The following IGF1 variants were observed in gnomAD, a reference collection of about 807,000 sequenced individuals.
IGF1 encodes insulin-like growth factor 1.
A neutral mutation model predicts 13.8 loss-of-function variants in IGF1; 4 were observed. The ratio of observed to expected loss-of-function variants is 0.29; its 90% CI spans 0.14 to 0.66. The LOEUF (loss-of-function observed/expected upper bound fraction) is 0.66, where lower values mean the gene tolerates loss of function less well. Among genes scored for constraint, IGF1 ranks in the 30% least tolerant of loss-of-function variants. IGF1 has a pLI of 0.78. For missense variants in IGF1, 124 were observed against 188.5 expected (o/e 0.66, Z 2.00); for synonymous variants, 76 against 72.6 (o/e 1.05, Z -0.23).
chr12:102,478,546 A>C (rs751703921), intron 1 of IGF1: 20 of 1,607,794 alleles, frequency 1.2e-5, no homozygotes, highest in Non-Finnish European at 1.5e-5. Context: ...GGTGGGTATT[A>C]TGAGGCCGAT....
chr12:102,416,558 A>C (rs1592748972), intron 3 of IGF1, among the ~76,000 whole-genome samples: 1 of 152,316 alleles, frequency 6.6e-6, no homozygotes, highest in East Asian at 1.9e-4. Context: ...GAACCCAAGC[A>C]CATCTTTACC....
intron 2 of IGF1, among the ~76,000 whole-genome samples, chr12:102,461,730 G>C (rs190733342): frequency 6.6e-6 from 1 of 152,156 alleles, no homozygotes; most frequent in African/African-American, 2.4e-5. Context: ...AGAAGGTCAG[G>C]CCATGGGGTT....
intron 2 of IGF1, among the ~76,000 whole-genome samples, chr12:102,455,556 G>C (rs996516087): frequency 6.6e-6 from 1 of 152,154 alleles, no homozygotes; most frequent in Non-Finnish European, 1.5e-5. Flanking sequence ...TTCAAGTGGG[G>C]GAGGAGTTCC....
intron 2 of IGF1, among the ~76,000 whole-genome samples, chr12:102,452,933 C>T (rs1453851222): frequency 3.3e-5 from 5 of 152,178 alleles, no homozygotes; most frequent in East Asian, 1.9e-4. Flanking sequence ...GTTAGCAACA[C>T]GTTGCACCCT....
Position 102,417,724 on chromosome 12 carries a change from T to C in IGF1, c.402+1785A>G. ...CATCTAGCTCCAGCAGGCCTACTTT[T>C]CTTCATTTCCTCTATTGTATTTTCT... On this transcript the variant is annotated intron_variant, in intron 3 of 3. Transcript: ENST00000337514. 1.9e-6 allele frequency: 3 copies of C among 1,559,838 alleles called. No individual in the cohort carries two copies. The South Asian group carries it at 3.7e-5, about 19-fold the overall frequency.
At chr12:102,459,824 T>G (rs1469466727) in intron 2 of IGF1, among the ~76,000 whole-genome samples, 1 of 152,240 alleles carries the variant, frequency 6.6e-6, no homozygotes, top group Non-Finnish European at 1.5e-5. Flanking sequence ...TATACAGTTC[T>G]ATAAAGATGA....
intron 2 of IGF1, among the ~76,000 whole-genome samples, chr12:102,439,602 T>C (rs1592781603): frequency 6.6e-6 from 1 of 151,450 alleles, no homozygotes; most frequent in African/African-American, 2.4e-5. Context: ...GCCTAGAGAG[T>C]AATCTTTCCA....
At chr12:102,410,588 G>A (rs923342752) in intron 3 of IGF1, among the ~76,000 whole-genome samples, 4 of 152,106 alleles carry the variant, frequency 2.6e-5, no homozygotes, top group African/African-American at 9.7e-5. Context: ...TACAATTTAT[G>A]CTAGAGTTAC....
At chr12:102,403,499 C>G (rs1261653381) in intron 3 of IGF1, among the ~76,000 whole-genome samples, 1 of 151,746 alleles carries the variant, frequency 6.6e-6, no homozygotes, top group East Asian at 1.9e-4. Context: ...CTCTGTTGCC[C>G]AGGCTGGAGT....
intron 2 of IGF1, among the ~76,000 whole-genome samples, chr12:102,425,805 T>G (rs997828352): frequency 1.3e-5 from 2 of 152,208 alleles, no homozygotes; most frequent in Non-Finnish European, 2.9e-5. Context: ...CCTGATACAA[T>G]GCCCTGGAGG....
chr12:102,478,584 C>T, intron 1 of IGF1: 1 of 1,572,894 alleles, frequency 6.4e-7, no homozygotes. Context: ...GTCTTAAAAA[C>T]ATGTGCTGCT....
At position 102,397,613 on chromosome 12, in the gene IGF1, G is replaced by A. The variant is rs1340004021; in HGVS notation, c.*4894C>T. On this transcript the variant is annotated 3_prime_UTR_variant, in exon 4 of 4. Transcript: ENST00000337514. ...AGCAATAAGCAAATATGTACTACAG[G>A]ATTAAACACTAGCATTGAAAACAAA... 6.6e-6 allele frequency: 1 copy of A among 152,080 alleles called. No homozygotes were observed. The highest frequency in any genetic ancestry group is 6.6e-5 in the Admixed American group (1 of 15,264). 9.4% of individuals were successfully genotyped at this position (152,080 alleles called of 1,614,324 possible).
chr12:102,443,855 C>T (rs1878076685), intron 2 of IGF1, among the ~76,000 whole-genome samples: 1 of 151,946 alleles, frequency 6.6e-6, no homozygotes, highest in Non-Finnish European at 1.5e-5. Flanking sequence ...GACAGCGTCT[C>T]ACTCTGTCAC....
intron 3 of IGF1, 38 bp downstream of exon 3, chr12:102,419,471 C>A: frequency 6.2e-7 from 1 of 1,601,052 alleles, no homozygotes; most frequent in Non-Finnish European, 8.5e-7. Flanking sequence ...AGAGAGAGAC[C>A]ACTTGAGGAT....
intron 3 of IGF1, among the ~76,000 whole-genome samples, chr12:102,407,723 T>A (rs1244444348): frequency 6.6e-6 from 1 of 152,024 alleles, no homozygotes; most frequent in Admixed American, 6.6e-5. Flanking sequence ...AGATGCTAGT[T>A]TGGAGGGAAA....
At chr12:102,471,118 C>T (rs141310542) in intron 2 of IGF1, among the ~76,000 whole-genome samples, 21 of 152,280 alleles carry the variant, frequency 1.4e-4, no homozygotes, top group South Asian at 4.2e-4. Context: ...CAAAACAAAA[C>T]GAAGAATCTG....
At chr12:102,403,333 A>T (rs763907241) in intron 3 of IGF1, among the ~76,000 whole-genome samples, 5 of 152,176 alleles carry the variant, frequency 3.3e-5, no homozygotes, top group African/African-American at 4.8e-5. Flanking sequence ...TTATTAAATC[A>T]TTTTTCTCTT....
intron 2 of IGF1, among the ~76,000 whole-genome samples, chr12:102,441,157 G>C (rs1877680041): frequency 6.6e-6 from 1 of 152,214 alleles, no homozygotes; most frequent in South Asian, 2.1e-4. Flanking sequence ...TTATACATCA[G>C]TGTCTCTGAA....
At chr12:102,429,341 G>A (rs561052721) in intron 2 of IGF1, among the ~76,000 whole-genome samples, 19 of 151,988 alleles carry the variant, frequency 1.3e-4, no homozygotes, top group Admixed American at 1.0e-3. Context: ...TTAAATTATT[G>A]TATTTTAGAA....
Sources: gnomAD v4.1 joint callset for allele counts (sites outside exome capture counted in the v4.1 genomes callset) on GRCh38, gnomAD v4.1.1 for gene constraint, MANE v1.5 for transcripts, NCBI Gene and HGNC (gene_info 2026-07-23, HGNC 2026-07-21) for gene names.